Variants in ARHGEF28 observed in about 807,000 individuals in gnomAD.
The protein encoded by ARHGEF28 is 190 kDa guanine nucleotide exchange factor.
Under a neutral mutation model 206.6 loss-of-function variants are expected in ARHGEF28, and 152 were observed. The ratio of observed to expected loss-of-function variants is 0.74; its 90% CI spans 0.64 to 0.84. The LOEUF is 0.84. Among genes scored for constraint, ARHGEF28 ranks in the 40% least tolerant of loss-of-function variants. The probability of loss-of-function intolerance (pLI) is 0.00; values close to 1 mark genes in which losing one functional copy is unlikely to be tolerated. For synonymous variants in ARHGEF28, 763 were observed against 776.4 expected, an observed-to-expected ratio of 0.98 and a Z score of 0.29; for missense variants, 2,028 against 2,073.2, an observed-to-expected ratio of 0.98 and a Z score of 0.42.
At chr5:73,793,798 C>CTTTTTTTTT (rs35889342) in intron 7 of ARHGEF28, among the ~76,000 whole-genome samples, 1 of 142,344 alleles carries the variant, frequency 7.0e-6, no homozygotes. Flanking sequence ...TTGGGTGAAC[C>CTTTTTTTTT]TTTTTTTTTT....
chr5:73,670,340 T>C (rs1293384051), intron 1 of ARHGEF28, among the ~76,000 whole-genome samples: 2 of 152,284 alleles, frequency 1.3e-5, no homozygotes, highest in Non-Finnish European at 2.9e-5. Context: ...CTCCCTTTTA[T>C]TGATATGTAG....
intron 20 of ARHGEF28, 61 bp from the exon 21 acceptor site, chr5:73,870,008 C>T (rs760721198): frequency 4.4e-5 from 68 of 1,555,882 alleles, no homozygotes; most frequent in Non-Finnish European, 5.2e-5. Context: ...GACAAATATA[C>T]GAAGGTATAT....
chr5:73,735,694 T>C (rs1561366334), intron 2 of ARHGEF28, among the ~76,000 whole-genome samples: 1 of 152,212 alleles, frequency 6.6e-6, no homozygotes. Flanking sequence ...ATTGTGTTAC[T>C]CCCCTGCTCA....
At chr5:73,634,602 T>A (rs1743581034) in intron 1 of ARHGEF28, among the ~76,000 whole-genome samples, 1 of 152,230 alleles carries the variant, frequency 6.6e-6, no homozygotes, top group South Asian at 2.1e-4. Flanking sequence ...GTCTCCTGTA[T>A]CGAATCCCTC....
At chr5:73,783,996 T>C (rs368619197) in intron 7 of ARHGEF28, among the ~76,000 whole-genome samples, 17 of 152,216 alleles carry the variant, frequency 1.1e-4, no homozygotes, top group African/African-American at 3.9e-4. Flanking sequence ...TACTAGAAAC[T>C]GTATGCATAT....
intron 27 of ARHGEF28, among the ~76,000 whole-genome samples, chr5:73,892,832 C>A (rs1470435846): frequency 2.6e-5 from 4 of 152,006 alleles, no homozygotes; most frequent in African/African-American, 9.7e-5. Context: ...TTAGTTAGAT[C>A]CTGAAGTTAT....
chr5:73,646,427 C>A (rs1487515492), intron 1 of ARHGEF28, among the ~76,000 whole-genome samples: 2 of 152,326 alleles, frequency 1.3e-5, no homozygotes, highest in Admixed American at 6.5e-5. Context: ...GGTTCTCCAG[C>A]CACCAATCAA....
At chr5:73,814,395 G>T (rs17634428) in intron 9 of ARHGEF28, among the ~76,000 whole-genome samples, 10,887 of 152,026 alleles carry the variant, frequency 0.072, 670 homozygotes, top group African/African-American at 0.16. Context: ...TCTTGTTGTA[G>T]TGTGGGCCAT....
chr5:73,807,066 A>AAATTGG (rs1755555545), intron 9 of ARHGEF28, among the ~76,000 whole-genome samples: 1 of 149,450 alleles, frequency 6.7e-6, no homozygotes, highest in Admixed American at 6.7e-5. Context: ...AGGTTTGGGA[A>AAATTGG]AATTGGAATG....
At chr5:73,909,372 A>G (rs1291096062) in intron 33 of ARHGEF28, 40 bp from the exon 34 acceptor site, 1 of 1,555,362 alleles carries the variant, frequency 6.4e-7, no homozygotes, top group Non-Finnish European at 8.7e-7. Flanking sequence ...TAACCATGGA[A>G]CCTTGTGTTC....
intron 4 of ARHGEF28, among the ~76,000 whole-genome samples, chr5:73,761,519 G>C (rs1443514637): frequency 2.6e-5 from 4 of 152,132 alleles, no homozygotes; most frequent in African/African-American, 7.2e-5. Flanking sequence ...TGTGCGTCCT[G>C]TTCCAAAGTC....
chr5:73,729,853 A>G (rs796691849), intron 2 of ARHGEF28, among the ~76,000 whole-genome samples: 1 of 152,182 alleles, frequency 6.6e-6, no homozygotes, highest in Non-Finnish European at 1.5e-5. Context: ...TTACACACTA[A>G]CTATTGTTTT....
intron 9 of ARHGEF28, among the ~76,000 whole-genome samples, chr5:73,824,982 A>G (rs1265443214): frequency 6.6e-6 from 1 of 152,190 alleles, no homozygotes; most frequent in Non-Finnish European, 1.5e-5. Context: ...AATCTGAGAA[A>G]ACATTACTAG....
At chr5:73,680,031 C>A (rs537959894) in intron 1 of ARHGEF28, among the ~76,000 whole-genome samples, 5 of 152,242 alleles carry the variant, frequency 3.3e-5, no homozygotes, top group African/African-American at 4.8e-5. Context: ...TCATGAATGA[C>A]AAAGTGAATG....
intron 26 of ARHGEF28, among the ~76,000 whole-genome samples, chr5:73,891,610 T>A (rs921397959): frequency 6.6e-6 from 1 of 151,906 alleles, no homozygotes; most frequent in Non-Finnish European, 1.5e-5. Context: ...CTGCAACCTC[T>A]GCCTCCCAGG....
intron 35 of ARHGEF28, among the ~76,000 whole-genome samples, chr5:73,919,949 C>G (rs1270374327): frequency 1.3e-5 from 2 of 152,184 alleles, no homozygotes; most frequent in African/African-American, 4.8e-5. Context: ...ATATTTCTCT[C>G]TTGTTAACTG....
At chr5:73,638,094 A>C (rs1743841105) in intron 1 of ARHGEF28, among the ~76,000 whole-genome samples, 1 of 152,236 alleles carries the variant, frequency 6.6e-6, no homozygotes, top group African/African-American at 2.4e-5. Flanking sequence ...TGCAACCACA[A>C]ACTGTAGCAC....
intron 1 of ARHGEF28, among the ~76,000 whole-genome samples, chr5:73,683,516 A>G (rs998060635): frequency 1.5e-4 from 22 of 151,664 alleles, no homozygotes; most frequent in African/African-American, 5.1e-4. Flanking sequence ...GGCTTGTCCA[A>G]TTGTAGCATG....
chr5:73,673,792 C>T (rs1424379923), intron 1 of ARHGEF28, among the ~76,000 whole-genome samples: 1 of 152,074 alleles, frequency 6.6e-6, no homozygotes, highest in Admixed American at 6.6e-5. Flanking sequence ...TCACAACAGT[C>T]TTTGGGATAG....
Sources: gnomAD v4.1 joint callset for allele counts (sites outside exome capture counted in the v4.1 genomes callset) on GRCh38, gnomAD v4.1.1 for gene constraint, MANE v1.5 for transcripts, NCBI Gene and HGNC (gene_info 2026-07-23, HGNC 2026-07-21) for gene names.